Variants in BMP2K observed in about 807,000 individuals in gnomAD.
The protein encoded by BMP2K is BMP2 inducible kinase, also known as BMP-2-inducible protein kinase.
Under a neutral mutation model 116.0 loss-of-function variants are expected in BMP2K, and 74 were observed. That is an observed-to-expected ratio of 0.64 (90% CI 0.53 to 0.77). The LOEUF (loss-of-function observed/expected upper bound fraction) is 0.77, where lower values mean the gene tolerates loss of function less well. BMP2K is among the 30% of genes least tolerant of loss of function. The pLI is 0.00. For synonymous variants in BMP2K, 486 were observed against 502.5 expected, an observed-to-expected ratio of 0.97 and a Z score of 0.44; for missense variants, 1,365 against 1,403.6, an observed-to-expected ratio of 0.97 and a Z score of 0.44.
Position 78,842,395 on chromosome 4 carries a change from A to C in BMP2K, c.414A>C (p.Val138=). The change falls in exon 4 of 16, where the codon GTA becomes GTC. Residue 138 remains valine, a synonymous_variant. Coordinates refer to ENST00000502613, the MANE Select transcript of BMP2K (RefSeq NM_198892.2). ...ILMEYCRAGQ[V]VNQMNKKLQT... Reference sequence around the variant, plus strand: ...TACTTTTTTGGTTAGCTGGACAGGTAGTGAATCAAATGAATAAGAAGCTAC... The same window carrying C: ...TACTTTTTTGGTTAGCTGGACAGGTCGTGAATCAAATGAATAAGAAGCTAC... 2 of 1,596,360 alleles carry C rather than the reference A, an allele frequency of 1.3e-6. No homozygotes were observed. The highest frequency in any genetic ancestry group is 2.7e-5 in the African/African-American group (2 of 74,810).
intron 1 of BMP2K, among the ~76,000 whole-genome samples, chr4:78,797,132 A>G (rs1199803819): frequency 1.3e-5 from 2 of 152,178 alleles, no homozygotes; most frequent in African/African-American, 2.4e-5. Flanking sequence ...TCCTTAATAC[A>G]GTGCTTCTTA....
At chr4:78,828,175 AC>A (rs1255194698) in intron 2 of BMP2K, among the ~76,000 whole-genome samples, 1 of 152,210 alleles carries the variant, frequency 6.6e-6, no homozygotes, top group African/African-American at 2.4e-5. Flanking sequence ...TCCAGCCTTC[AC>A]CTTCTAACTT....
chr4:78,888,308 G>A (rs899652651), intron 15 of BMP2K, among the ~76,000 whole-genome samples: 9 of 152,112 alleles, frequency 5.9e-5, no homozygotes, highest in African/African-American at 1.9e-4. Flanking sequence ...AGCTTACTGT[G>A]TCTGTTTACT....
In BMP2K at chr4:78,833,702, G is replaced by A; in HGVS notation, c.403+15G>A. The A allele has an allele frequency of 6.4e-7, 1 of 1,558,646 alleles. No individual in the cohort carries two copies. The highest frequency in any genetic ancestry group is 8.7e-7 in the Non-Finnish European group (1 of 1,143,726). ...ATATTGTCGAGGTAAGTATTTTTTT[G>A]CATTTGTACTGTAATAAAAAGTTTC... On this transcript the variant is annotated intron_variant, in intron 3 of 15. Transcript: ENST00000502613.
At chr4:78,910,174 A>C (rs1251298999) in intron 15 of BMP2K, among the ~76,000 whole-genome samples, 3 of 152,198 alleles carry the variant, frequency 2.0e-5, no homozygotes, top group Admixed American at 2.0e-4. Context: ...CTGAGCAGGC[A>C]GGCTGTTCAT....
At chr4:78,803,087 T>G (rs534447904) in intron 1 of BMP2K, among the ~76,000 whole-genome samples, 1 of 152,206 alleles carries the variant, frequency 6.6e-6, no homozygotes, top group African/African-American at 2.4e-5. Flanking sequence ...TGACCTCAAG[T>G]GATCCACCCT....
intron 1 of BMP2K, among the ~76,000 whole-genome samples, chr4:78,806,840 C>CTTTTTTTTTTT (rs1038770824): frequency 7.8e-6 from 1 of 128,286 alleles, no homozygotes; most frequent in Non-Finnish European, 1.7e-5. Flanking sequence ...CTTATCTTTT[C>CTTTTTTTTTTT]TTTTTTTTTT....
At chr4:78,791,883 A>G (rs1728020199) in intron 1 of BMP2K, among the ~76,000 whole-genome samples, 1 of 152,210 alleles carries the variant, frequency 6.6e-6, no homozygotes, top group Admixed American at 6.5e-5. Context: ...GGCTGTTGTG[A>G]ATAATGCTGC....
At chr4:78,804,722 A>G (rs2086198867) in intron 1 of BMP2K, among the ~76,000 whole-genome samples, 1 of 149,268 alleles carries the variant, frequency 6.7e-6, no homozygotes, top group South Asian at 2.1e-4. Context: ...CCATGTGTGT[A>G]TCTTTTTTTT....
chr4:78,832,329 A>G (rs143126665), intron 2 of BMP2K, among the ~76,000 whole-genome samples: 1 of 152,156 alleles, frequency 6.6e-6, no homozygotes, highest in African/African-American at 2.4e-5. Flanking sequence ...AACACTTGTT[A>G]TTAATGTCAG....
intron 2 of BMP2K, 71 bp downstream of exon 2, chr4:78,826,226 G>C: frequency 1.7e-6 from 2 of 1,202,200 alleles, no homozygotes; most frequent in African/African-American, 1.5e-5. Flanking sequence ...GGGATGGAGT[G>C]CAGTGGAGTG....
At position 78,794,753 on chromosome 4, in the gene BMP2K, A is replaced by G. The variant is rs116309664; in HGVS notation, c.178+18032A>G. 6.2e-3 allele frequency among the ~76,000 whole-genome samples: 939 copies of G among 152,202 alleles called. 13 individuals are homozygous for G. The highest frequency in any genetic ancestry group is 0.022 in the African/African-American group (893 of 41,524). On this transcript the variant is annotated intron_variant, in intron 1 of 15. Transcript: ENST00000502613. Reference sequence around the variant, plus strand: ...AATTTTTAAAATTTTTATAAAGACGAGGTCTCACTGTGTTTTCCAGGTTGG... The same window carrying G: ...AATTTTTAAAATTTTTATAAAGACGGGGTCTCACTGTGTTTTCCAGGTTGG...
chr4:78,856,496 A>G (rs1731510575), intron 7 of BMP2K, among the ~76,000 whole-genome samples: 1 of 152,172 alleles, frequency 6.6e-6, no homozygotes, highest in Non-Finnish European at 1.5e-5. Flanking sequence ...TAAGTGCTTA[A>G]AGATGCCTTA....
At chr4:78,804,347 CAGTT>C (rs1335813485) in intron 1 of BMP2K, among the ~76,000 whole-genome samples, 1 of 152,086 alleles carries the variant, frequency 6.6e-6, no homozygotes, top group African/African-American at 2.4e-5. Flanking sequence ...GTTTATTAAT[CAGTT>C]AGTGGACATT....
At chr4:78,897,257 A>G (rs1733753514) in intron 15 of BMP2K, among the ~76,000 whole-genome samples, 1 of 152,052 alleles carries the variant, frequency 6.6e-6, no homozygotes, top group Admixed American at 6.6e-5. Context: ...TCTTGGGGAA[A>G]AGTGCAGCTA....
At chr4:78,844,257 G>T (rs1049844598) in intron 4 of BMP2K, among the ~76,000 whole-genome samples, 2 of 151,664 alleles carry the variant, frequency 1.3e-5, no homozygotes, top group African/African-American at 4.8e-5. Context: ...GCACATGAAT[G>T]GTTAAGCAGA....
chr4:78,843,774 AT>A (rs551828560), intron 4 of BMP2K, among the ~76,000 whole-genome samples: 1 of 151,352 alleles, frequency 6.6e-6, no homozygotes, highest in Non-Finnish European at 1.5e-5. Flanking sequence ...ATTTGATACC[AT>A]TTTTTGTGCT....
At chr4:78,863,476 G>A (rs991950403) in intron 9 of BMP2K, among the ~76,000 whole-genome samples, 1 of 152,064 alleles carries the variant, frequency 6.6e-6, no homozygotes, top group African/African-American at 2.4e-5. Flanking sequence ...TATGGTTTAA[G>A]ATGTGAAATT....
At chr4:78,816,872 G>A (rs1729378588) in intron 1 of BMP2K, among the ~76,000 whole-genome samples, 1 of 152,174 alleles carries the variant, frequency 6.6e-6, no homozygotes, top group South Asian at 2.1e-4. Context: ...TTAATGCATA[G>A]CAGAAGAGAC....
Sources: gnomAD v4.1 joint callset for allele counts (sites outside exome capture counted in the v4.1 genomes callset) on GRCh38, gnomAD v4.1.1 for gene constraint, MANE v1.5 for transcripts, NCBI Gene and HGNC (gene_info 2026-07-23, HGNC 2026-07-21) for gene names.